SPIDR: variants seen among roughly 807,000 people sequenced by gnomAD.
The protein encoded by SPIDR is scaffold protein involved in DNA repair.
Under a neutral mutation model 104.6 loss-of-function variants are expected in SPIDR, and 93 were observed. That is an observed-to-expected ratio of 0.89 (90% CI 0.75 to 1.06). The LOEUF is 1.06. Among genes scored for constraint, SPIDR ranks in the 50% least tolerant of loss-of-function variants. The pLI, the probability that SPIDR is intolerant of heterozygous loss-of-function variation, is 0.00. For missense variants in SPIDR, 1,154 were observed against 1,111.2 expected (o/e 1.04, Z -0.55); for synonymous variants, 431 against 416.9 (o/e 1.03, Z -0.41).
Position 47,716,416 on chromosome 8 carries a change from G to T in SPIDR, c.2341+2775G>T, listed in dbSNP as rs534958247. Among the ~76,000 whole-genome samples, 134 of 152,186 alleles carry T rather than the reference G, an allele frequency of 8.8e-4. 2 individuals carry two copies. The highest frequency in any genetic ancestry group is 2.3e-3 in the Admixed American group (35 of 15,282). On this transcript the variant is annotated intron_variant, in intron 16 of 19. Transcript: ENST00000297423. ...GCTTTCACATTCTTTTCACTGTGTT[G>T]AGGCCATTTGGATTTTCTCTTCTGT...
chr8:47,326,610 C>T (rs1015668522), intron 5 of SPIDR, among the ~76,000 whole-genome samples: 4 of 152,210 alleles, frequency 2.6e-5, no homozygotes, highest in African/African-American at 7.2e-5. Context: ...GCATCCATTC[C>T]GTATTCCCCA....
At chr8:47,588,392 A>G (rs2060563887) in intron 8 of SPIDR, among the ~76,000 whole-genome samples, 2 of 151,248 alleles carry the variant, frequency 1.3e-5, no homozygotes, top group South Asian at 4.2e-4. Flanking sequence ...GAATTCATTG[A>G]CAATATGTAG....
intron 14 of SPIDR, among the ~76,000 whole-genome samples, chr8:47,704,999 C>T (rs562123161): frequency 1.3e-5 from 2 of 152,212 alleles, no homozygotes; most frequent in Non-Finnish European, 2.9e-5. Context: ...ATGGGCCAGG[C>T]GGTGGCTCTC....
At chr8:47,433,348 C>G (rs1554690340) in intron 7 of SPIDR, among the ~76,000 whole-genome samples, 3 of 152,214 alleles carry the variant, frequency 2.0e-5, no homozygotes, top group Non-Finnish European at 2.9e-5. Flanking sequence ...CATTTGACTT[C>G]CCTGCTGGCT....
chr8:47,668,384 T>A (rs1330520559), intron 10 of SPIDR, among the ~76,000 whole-genome samples: 3 of 152,170 alleles, frequency 2.0e-5, no homozygotes, highest in African/African-American at 4.8e-5. Context: ...AATTGTCATT[T>A]GCCACATTAA....
intron 5 of SPIDR, among the ~76,000 whole-genome samples, chr8:47,296,614 G>T (rs2040887141): frequency 6.6e-6 from 1 of 152,118 alleles, no homozygotes; most frequent in Admixed American, 6.6e-5. Context: ...CTGTTTGATT[G>T]GTTAGTTGGT....
intron 8 of SPIDR, among the ~76,000 whole-genome samples, chr8:47,490,125 G>A (rs1039948950): frequency 2.0e-5 from 3 of 152,166 alleles, no homozygotes; most frequent in African/African-American, 7.2e-5. Flanking sequence ...CTAATATCCA[G>A]AATCTACAAA....
Position 47,640,248 on chromosome 8 carries a change from T to G in SPIDR, c.1545-33553T>G, listed in dbSNP as rs541544473. 4.6e-5 allele frequency among the ~76,000 whole-genome samples: 7 copies of G among 152,278 alleles called. No individual in the cohort carries two copies. In the South Asian group the frequency reaches 1.4e-3, roughly 32 times the overall value. ...ATGCCTGCTGGCAGAAGTAGCACAG[T>G]TAGGCCCTCTGCTCTGATTGACAGG... is the stretch of plus-strand genomic sequence containing the variant. On this transcript the variant is annotated intron_variant, in intron 10 of 19. Coordinates refer to ENST00000297423, the MANE Select transcript of SPIDR (RefSeq NM_001080394.4).
chr8:47,661,167 C>G (rs1332592056), intron 10 of SPIDR, among the ~76,000 whole-genome samples: 1 of 152,186 alleles, frequency 6.6e-6, no homozygotes, highest in Non-Finnish European at 1.5e-5. Context: ...GACTGTTATT[C>G]CAAGAAGTTT....
intron 10 of SPIDR, among the ~76,000 whole-genome samples, chr8:47,658,029 C>CAAAA (rs34648437): frequency 1.2e-4 from 9 of 76,020 alleles, no homozygotes; most frequent in South Asian, 5.2e-4. Flanking sequence ...GACCCTGTCT[C>CAAAA]AAAAAAAAAA....
chr8:47,700,279 A>C (rs1170227045), intron 11 of SPIDR, 124 bp from the exon 12 acceptor site: 1 of 998,162 alleles, frequency 1.0e-6, no homozygotes, highest in Non-Finnish European at 1.6e-6. Context: ...GAATCGCCAC[A>C]CATCTCGAAT....
At chr8:47,424,906 T>C (rs1486041540) in intron 7 of SPIDR, among the ~76,000 whole-genome samples, 1 of 152,284 alleles carries the variant, frequency 6.6e-6, no homozygotes, top group Non-Finnish European at 1.5e-5. Context: ...AATTTTTGTA[T>C]TTTTAGTAGA....
At chr8:47,601,940 T>C (rs762597752) in intron 10 of SPIDR, among the ~76,000 whole-genome samples, 2 of 152,214 alleles carry the variant, frequency 1.3e-5, no homozygotes, top group Non-Finnish European at 2.9e-5. Context: ...TATTTTGCAG[T>C]GATAATGATC....
At chr8:47,572,539 G>A (rs2058643290) in intron 8 of SPIDR, among the ~76,000 whole-genome samples, 1 of 151,980 alleles carries the variant, frequency 6.6e-6, no homozygotes, top group African/African-American at 2.4e-5. Context: ...GCGGACACCT[G>A]TAGTCCCAGC....
intron 10 of SPIDR, among the ~76,000 whole-genome samples, chr8:47,609,046 A>C (rs891007327): frequency 9.9e-5 from 15 of 152,128 alleles, no homozygotes; most frequent in Admixed American, 9.8e-4. Context: ...TTCATAGGCT[A>C]TTGGCCATTT....
At chr8:47,324,643 G>T (rs1554599231) in intron 5 of SPIDR, among the ~76,000 whole-genome samples, 1 of 151,136 alleles carries the variant, frequency 6.6e-6, no homozygotes, top group Admixed American at 6.6e-5. Flanking sequence ...TGGTTAAATG[G>T]TTCTGAAATC....
intron 8 of SPIDR, among the ~76,000 whole-genome samples, chr8:47,444,118 A>C (rs782766537): frequency 6.6e-6 from 1 of 152,266 alleles, no homozygotes; most frequent in Non-Finnish European, 1.5e-5. Context: ...ACATTTATTA[A>C]CTAATGAATA....
At chr8:47,498,298 T>G (rs779005852) in intron 8 of SPIDR, among the ~76,000 whole-genome samples, 18 of 152,146 alleles carry the variant, frequency 1.2e-4, no homozygotes, top group Non-Finnish European at 2.5e-4. Flanking sequence ...CAAAGGCACT[T>G]ATTGGCAAAC....
At chr8:47,270,741 CTATAGGTTTTAGTG>C (rs1418811220) in intron 1 of SPIDR, among the ~76,000 whole-genome samples, 1 of 152,126 alleles carries the variant, frequency 6.6e-6, no homozygotes, top group African/African-American at 2.4e-5. Context: ...TTAGCTGCAT[CTATAGGTTTTAGTG>C]TATATTGTTT....
Sources: allele counts gnomAD v4.1 joint callset (sites outside exome capture counted in the v4.1 genomes callset), GRCh38; gene constraint gnomAD v4.1.1; transcripts MANE v1.5; gene names NCBI Gene and HGNC (gene_info 2026-07-23, HGNC 2026-07-21).